Variants in TULP4 observed in about 807,000 individuals in gnomAD.
The protein encoded by TULP4 is TUB like protein 4.
Under a neutral mutation model 129.0 loss-of-function variants are expected in TULP4, and 16 were observed. The observed-to-expected ratio is 0.12, with a 90% CI of 0.08 to 0.19. The LOEUF is 0.19. Among genes scored for constraint, TULP4 ranks in the 10% least tolerant of loss-of-function variants. The probability of loss-of-function intolerance (pLI) is 1.00; values close to 1 mark genes in which losing one functional copy is unlikely to be tolerated. For synonymous variants in TULP4, 998 were observed against 854.0 expected (o/e 1.17, Z -2.94); for missense variants, 1,842 against 2,059.1 (o/e 0.89, Z 2.04).
chr6:158,293,176 C>T (rs1778974177), intron 1 of TULP4, among the ~76,000 whole-genome samples: 1 of 152,158 alleles, frequency 6.6e-6, no homozygotes, highest in East Asian at 1.9e-4. Context: ...TGAAATCAGC[C>T]ATATAAAGTA....
intron 1 of TULP4, among the ~76,000 whole-genome samples, chr6:158,265,667 C>A (rs1185650465): frequency 6.8e-6 from 1 of 147,200 alleles, no homozygotes; most frequent in African/African-American, 2.5e-5. Context: ...GGTGACAGAG[C>A]AAGACTCCAT....
At chr6:158,495,994 A>G (rs1419809002) in intron 11 of TULP4, among the ~76,000 whole-genome samples, 1 of 152,220 alleles carries the variant, frequency 6.6e-6, no homozygotes, top group East Asian at 1.9e-4. Context: ...AGGCCAGAAC[A>G]TGAACATGTA....
chr6:158,484,365 G>T (rs1780018019), intron 8 of TULP4, among the ~76,000 whole-genome samples: 1 of 151,674 alleles, frequency 6.6e-6, no homozygotes, highest in Admixed American at 6.6e-5. Flanking sequence ...TTCCCAGGCT[G>T]GTCTTAAACT....
At chr6:158,433,310 A>G (rs184614424) in intron 3 of TULP4, among the ~76,000 whole-genome samples, 1 of 152,286 alleles carries the variant, frequency 6.6e-6, no homozygotes, top group East Asian at 1.9e-4. Context: ...GGAGTAAACA[A>G]TTTTGGCAAG....
At chr6:158,359,528 A>C (rs9456296) in intron 1 of TULP4, among the ~76,000 whole-genome samples, 2,144 of 152,238 alleles carry the variant, frequency 0.014, 21 homozygotes, top group Non-Finnish European at 0.021. Flanking sequence ...CCAGCACGGG[A>C]GAAAGATGGA....
intron 8 of TULP4, 48 bp downstream of exon 8, chr6:158,481,337 G>A: frequency 1.9e-6 from 3 of 1,553,402 alleles, no homozygotes; most frequent in South Asian, 1.2e-5. Flanking sequence ...CTGTGGTCAT[G>A]GGCTGTTAAC....
At chr6:158,349,817 C>T (rs1780454988) in intron 1 of TULP4, among the ~76,000 whole-genome samples, 1 of 142,024 alleles carries the variant, frequency 7.0e-6, no homozygotes, top group African/African-American at 2.6e-5. Flanking sequence ...GCGCTCCTCA[C>T]CTCCCAGATG....
At chr6:158,258,499 T>C (rs1272393426) in intron 1 of TULP4, among the ~76,000 whole-genome samples, 1 of 152,100 alleles carries the variant, frequency 6.6e-6, no homozygotes, top group Non-Finnish European at 1.5e-5. Context: ...GTGACTTCCA[T>C]GGTAATGGTG....
intron 1 of TULP4, among the ~76,000 whole-genome samples, chr6:158,263,872 G>C (rs1335991396): frequency 1.3e-5 from 2 of 152,198 alleles, no homozygotes; most frequent in East Asian, 3.9e-4. Context: ...AGACCAGCCT[G>C]GCCAACATGG....
intron 2 of TULP4, among the ~76,000 whole-genome samples, chr6:158,421,005 G>A (rs573905174): frequency 1.3e-5 from 2 of 152,204 alleles, no homozygotes; most frequent in South Asian, 2.1e-4. Context: ...CAAAGTGGTC[G>A]GGCCGCAGTT....
intron 3 of TULP4, among the ~76,000 whole-genome samples, chr6:158,439,770 G>A (rs1193768647): frequency 7.6e-6 from 1 of 132,306 alleles, no homozygotes; most frequent in Non-Finnish European, 1.5e-5. Flanking sequence ...GGAGTGCAGT[G>A]GTGCGATCTC....
At chr6:158,483,266 A>G (rs543612917) in intron 8 of TULP4, among the ~76,000 whole-genome samples, 5 of 152,352 alleles carry the variant, frequency 3.3e-5, no homozygotes, top group African/African-American at 9.6e-5. Context: ...CCTGAATGGC[A>G]TATATAAACT....
chr6:158,378,485 T>TTTTG (rs1554285635), intron 1 of TULP4, among the ~76,000 whole-genome samples: 104 of 51,352 alleles, frequency 2.0e-3, no homozygotes, highest in Non-Finnish European at 3.0e-3. Context: ...TTTTTTTTTT[T>TTTTG]GGTGGGGGTG....
At chr6:158,467,279 T>A (rs1319538574) in intron 6 of TULP4, among the ~76,000 whole-genome samples, 1 of 51,794 alleles carries the variant, frequency 1.9e-5, no homozygotes, top group Non-Finnish European at 3.4e-5. Context: ...TTCCCTTTCT[T>A]TTTTTTTTTT....
chr6:158,420,522 C>G (rs1360060932), intron 2 of TULP4, among the ~76,000 whole-genome samples: 1 of 152,202 alleles, frequency 6.6e-6, no homozygotes, highest in Admixed American at 6.5e-5. Context: ...ATTCTTGTTG[C>G]CTAGGCTGGA....
rs147611014 is a variant in TULP4, at chr6:158,393,967, A to G, written c.253-19098A>G. 1.1e-3 allele frequency among the ~76,000 whole-genome samples: 168 copies of G among 152,336 alleles called. 1 individual carries two copies. The highest frequency in any genetic ancestry group is 3.8e-3 in the African/African-American group (160 of 41,586). ...ACATGGCCAGACTGCAATTTTTCCA[A>G]ACTTTTATGCTCTGCTTCCCTTTTA... On this transcript the variant is annotated intron_variant, in intron 1 of 13. Coordinates refer to ENST00000367097, the MANE Select transcript of TULP4 (RefSeq NM_020245.5).
At position 158,413,127 on chromosome 6, in the gene TULP4, C is replaced by T. The variant is rs1778133580; in HGVS notation, c.315C>T (p.Gly105=). The T allele has an allele frequency of 6.2e-7, 1 of 1,613,792 alleles. No individual in the cohort carries two copies. Among genetic ancestry groups the T allele is most frequent in the South Asian group, 1.1e-5 (1 of 91,046 alleles). Residue 105 remains glycine, a synonymous_variant, in exon 2 of 14, where the codon GGC becomes GGT. Coordinates refer to ENST00000367097, the MANE Select transcript of TULP4 (RefSeq NM_020245.5). The surrounding 1 kb of genome is among the most constrained non-coding windows in gnomAD (Gnocchi z 4.9). ...QKLATCDADG[G]IFVWIQYEGR... is the part of the protein sequence containing the mutation. Reference sequence around the variant, plus strand: ...TGGCCACGTGCGATGCGGACGGAGGCATATTCGTGTGGATTCAGTACGAGG... The same window carrying T: ...TGGCCACGTGCGATGCGGACGGAGGTATATTCGTGTGGATTCAGTACGAGG...
chr6:158,443,576 A>ATTC (rs1778948855), intron 3 of TULP4, among the ~76,000 whole-genome samples: 1 of 152,206 alleles, frequency 6.6e-6, no homozygotes, highest in Non-Finnish European at 1.5e-5. Context: ...ATTAAATTTG[A>ATTC]GGCCTGAGGC....
chr6:158,378,704 TGATC>T (rs2114906220), intron 1 of TULP4, among the ~76,000 whole-genome samples: 1 of 152,150 alleles, frequency 6.6e-6, no homozygotes, highest in African/African-American at 2.4e-5. Context: ...AGGCTGGTCT[TGATC>T]TCCTGACCTC....
Sources: gnomAD v4.1 joint callset for allele counts (sites outside exome capture counted in the v4.1 genomes callset) on GRCh38, gnomAD v4.1.1 for gene constraint, Gnocchi (gnomAD v3.1) non-coding constraint, MANE v1.5 for transcripts, NCBI Gene and HGNC (gene_info 2026-07-23, HGNC 2026-07-21) for gene names.